VSTM2A: variants seen among roughly 807,000 people sequenced by gnomAD.
The protein encoded by VSTM2A is V-set and transmembrane domain containing 2A.
A neutral mutation model predicts 27.3 loss-of-function variants in VSTM2A; 13 were observed. That is an observed-to-expected ratio of 0.48 (90% CI 0.31 to 0.76). The LOEUF (loss-of-function observed/expected upper bound fraction) is 0.76, where lower values mean the gene tolerates loss of function less well. VSTM2A is among the 30% of genes least tolerant of loss of function. The pLI is 0.05. For synonymous variants in VSTM2A, 142 were observed against 125.7 expected (o/e 1.13, Z -0.87); for missense variants, 280 against 310.0 (o/e 0.90, Z 0.73).
intron 4 of VSTM2A, chr7:54,558,397 C>A (rs1007183662): frequency 3.7e-4 from 56 of 152,214 alleles, no homozygotes; most frequent in African/African-American, 1.3e-3. Flanking sequence ...TTTGGGTGAG[C>A]TGCTCACAAA....
At chr7:54,566,720 C>T (rs535125148) in intron 4 of VSTM2A, among the ~76,000 whole-genome samples, 2 of 152,310 alleles carry the variant, frequency 1.3e-5, no homozygotes, top group African/African-American at 4.8e-5. Flanking sequence ...ATTATGCTCA[C>T]TTTTGGAAAC....
chr7:54,547,004 G>GT lies in VSTM2A; in HGVS notation c.297+7_297+8insT. On this transcript the variant is annotated splice_region_variant and intron_variant, in intron 3 of 4. Transcript: ENST00000402613. ...CGACGGGACCAAGATCAGCGTGAGT[G>GT]CGGGGCGCGCCAAGGGCCGCGGGCC... The GT allele has an allele frequency of 6.7e-7, 1 of 1,492,474 alleles. No homozygotes were observed. The highest frequency in any genetic ancestry group is 8.9e-7 in the Non-Finnish European group (1 of 1,125,362). The allele number at this position is 1,492,474 out of a possible 1,614,324, so 92.5% of individuals were successfully genotyped here. A position where few individuals can be genotyped will look rare whatever the true frequency, so the allele number is the denominator to read the frequency against.
intron 4 of VSTM2A, chr7:54,552,099 T>G (rs1788218800): frequency 6.6e-6 from 1 of 152,208 alleles, no homozygotes; most frequent in South Asian, 2.1e-4. Context: ...TTACTGCTCT[T>G]TTTGCATCCC....
chr7:54,558,337 C>G (rs1430039116), intron 4 of VSTM2A: 1 of 151,992 alleles, frequency 6.6e-6, no homozygotes, highest in Non-Finnish European at 1.5e-5. Context: ...TTTATGGTAC[C>G]AGGTAGATAC....
chr7:54,544,668 G>A lies in VSTM2A; in HGVS notation c.126G>A (p.Gln42=). 1.9e-6 allele frequency: 3 copies of A among 1,613,036 alleles called. No individual in the cohort carries two copies. Among genetic ancestry groups the A allele is most frequent in the Non-Finnish European group, 2.5e-6 (3 of 1,179,878 alleles). The stretch of plus-strand genomic sequence containing the variant: ...GGAACGTGACGGCGACCGAGGGGCA[G>A]AATGTGGAGATGTCCTGCGCCTTCC... ...FPRNVTATEG[Q]NVEMSCAFQS... The change falls in exon 2 of 5, where the codon CAG becomes CAA. Residue 42 remains glutamine (Q), a synonymous_variant. Transcript: ENST00000402613.
chr7:54,549,773 A>G lies in VSTM2A; in HGVS notation c.298-61A>G, dbSNP rs184823658. The G allele has an allele frequency of 3.0e-5, 43 of 1,456,120 alleles. 3 individuals are homozygous for G. In the East Asian group the frequency reaches 6.8e-4, roughly 23 times the overall value. 90.2% of individuals were successfully genotyped at this position (1,456,120 alleles called of 1,614,324 possible). On this transcript the variant is annotated intron_variant, in intron 3 of 4. Coordinates refer to ENST00000402613, the MANE Select transcript of VSTM2A (RefSeq NM_001301009.2). Reference sequence around the variant, plus strand: ...TCCAATATTAGCAAGCTCAGGGTAAAAAATGGAACAAAATCATTTGATGTA... The same window carrying G: ...TCCAATATTAGCAAGCTCAGGGTAAGAAATGGAACAAAATCATTTGATGTA...
At chr7:54,564,040 G>A (rs901779853) in intron 4 of VSTM2A, among the ~76,000 whole-genome samples, 3 of 152,106 alleles carry the variant, frequency 2.0e-5, no homozygotes, top group East Asian at 3.9e-4. Flanking sequence ...CTCACACAGC[G>A]ATTTTCATTT....
At chr7:54,544,443 C>T (rs950173331) in intron 1 of VSTM2A, among the ~76,000 whole-genome samples, 179 bp from the exon 2 acceptor site, 16 of 151,952 alleles carry the variant, frequency 1.1e-4, no homozygotes, top group Admixed American at 6.6e-5. Context: ...GGTATGATAC[C>T]AAAAGTTAGA....
intron 4 of VSTM2A, among the ~76,000 whole-genome samples, chr7:54,555,252 T>C (rs1191313576): frequency 6.6e-6 from 1 of 152,218 alleles, no homozygotes; most frequent in East Asian, 1.9e-4. Flanking sequence ...CCAAAAAGAA[T>C]TTCTTGTTTT....
At chr7:54,560,874 G>T (rs548691022) in intron 4 of VSTM2A, among the ~76,000 whole-genome samples, 5 of 152,208 alleles carry the variant, frequency 3.3e-5, no homozygotes, top group South Asian at 2.1e-4. Context: ...AAATGTAAAG[G>T]TATCAAGCAC....
At position 54,554,169 on chromosome 7, in the gene VSTM2A, C is replaced by A. The variant is rs1788279866; in HGVS notation, c.634+3999C>A. 6.0e-6 allele frequency: 9 copies of A among 1,505,072 alleles called. No individual in the cohort carries two copies. In the South Asian group the frequency reaches 1.2e-4, roughly 19 times the overall value. The allele number at this position is 1,505,072 out of a possible 1,614,324, so 93.2% of individuals were successfully genotyped here. Reference sequence around the variant, plus strand: ...CCCACCCTCTCACATCTCGTCCTTCCCAGTCTCTAGGCAGCCTTTCTCCCT... The same window carrying A: ...CCCACCCTCTCACATCTCGTCCTTCACAGTCTCTAGGCAGCCTTTCTCCCT... On this transcript the variant is annotated intron_variant, in intron 4 of 4. Coordinates refer to ENST00000402613, the MANE Select transcript of VSTM2A (RefSeq NM_001301009.2).
rs774992604 is a variant in VSTM2A, at chr7:54,546,974, G to T, written c.274G>T (p.Asp92Tyr). The T allele has an allele frequency of 3.1e-6, 5 of 1,594,820 alleles. No individual in the cohort carries two copies. Among genetic ancestry groups the T allele is most frequent in the Non-Finnish European group, 4.3e-6 (5 of 1,173,054 alleles). The change falls in exon 3 of 5, where the codon GAC becomes TAC. Residue 92 changes from aspartate to tyrosine, a missense_variant. Coordinates refer to ENST00000402613, the MANE Select transcript of VSTM2A (RefSeq NM_001301009.2). ...QVELLPDRDPDSDGTKISTVK... is the reference protein window; with the variant it reads ...QVELLPDRDPYSDGTKISTVK... ...GGAGCTCTTGCCCGACAGAGACCCG[G>T]ACAGCGACGGGACCAAGATCAGCGT...
chr7:54,547,087 A>G, intron 3 of VSTM2A, 90 bp downstream of exon 3: 2 of 1,442,210 alleles, frequency 1.4e-6, no homozygotes, highest in Non-Finnish European at 1.8e-6. Context: ...CCAGCGCTGC[A>G]GGACAGCCGG....
chr7:54,553,895 TCTC>T, intron 4 of VSTM2A: 1 of 1,551,234 alleles, frequency 6.4e-7, no homozygotes, highest in Non-Finnish European at 8.7e-7. Flanking sequence ...AAGTCAAACA[TCTC>T]CACAGACCAC....
intron 4 of VSTM2A, among the ~76,000 whole-genome samples, chr7:54,555,004 A>C (rs1239748871): frequency 2.0e-5 from 3 of 152,214 alleles, no homozygotes; most frequent in Non-Finnish European, 4.4e-5. Context: ...TTTCTCACCA[A>C]AAAGAAATGT....
intron 4 of VSTM2A, among the ~76,000 whole-genome samples, chr7:54,561,283 T>C (rs1384068734): frequency 6.6e-6 from 1 of 152,172 alleles, no homozygotes; most frequent in East Asian, 1.9e-4. Context: ...TGTTTAGGGA[T>C]AGAAAGTTAC....
At chr7:54,562,885 G>A (rs1788605896) in intron 4 of VSTM2A, among the ~76,000 whole-genome samples, 1 of 152,172 alleles carries the variant, frequency 6.6e-6, no homozygotes, top group South Asian at 2.1e-4. Context: ...GATTAATAAA[G>A]AGAATGCTAA....
chr7:54,554,877 G>A (rs1788301526), intron 4 of VSTM2A, among the ~76,000 whole-genome samples: 1 of 152,212 alleles, frequency 6.6e-6, no homozygotes, highest in Non-Finnish European at 1.5e-5. Context: ...GCAGAACAGA[G>A]ACAGATGATG....
At position 54,542,662 on chromosome 7, in the gene VSTM2A, C is replaced by A; in HGVS notation, c.-69C>A. On this transcript the variant is annotated 5_prime_UTR_variant, in exon 1 of 5. Transcript: ENST00000402613. The stretch of plus-strand genomic sequence containing the variant: ...GCTCTGAGACTGAGCCTGCCATCCA[C>A]TCGCACGCCTTTCTTTCAGGGCTTT... 1 of 1,436,386 alleles carries A rather than the reference C, an allele frequency of 7.0e-7. No homozygotes were observed. The highest frequency in any genetic ancestry group is 9.7e-7 in the Non-Finnish European group (1 of 1,029,058). The allele number at this position is 1,436,386 out of a possible 1,614,324, so 89.0% of individuals were successfully genotyped here.
Sources: allele counts gnomAD v4.1 joint callset (sites outside exome capture counted in the v4.1 genomes callset), GRCh38; gene constraint gnomAD v4.1.1; transcripts MANE v1.5; gene names NCBI Gene and HGNC (gene_info 2026-07-23, HGNC 2026-07-21).